Variants in SLC7A8 observed in about 807,000 individuals in gnomAD.
The protein encoded by SLC7A8 is solute carrier family 7 member 8, also known as large neutral amino acids transporter small subunit 2.
SLC7A8 carries 30 observed loss-of-function variants against 51.2 expected under a neutral mutation model. The observed-to-expected ratio is 0.59, with a 90% confidence interval of 0.44 to 0.80. SLC7A8 has a LOEUF of 0.80. Ranked by LOEUF, SLC7A8 falls within the 30% of genes least tolerant of loss-of-function variation. The pLI is 0.00. For missense variants in SLC7A8, 612 were observed against 674.4 expected (o/e 0.91, Z 1.03); for synonymous variants, 257 against 275.8 (o/e 0.93, Z 0.67).
At chr14:23,166,313 C>A in intron 2 of SLC7A8, 23 bp downstream of exon 2, 1 of 1,607,418 alleles carries the variant, frequency 6.2e-7, no homozygotes, top group East Asian at 2.2e-5. Flanking sequence ...CTAGACCATT[C>A]AGGTCTCCAC....
chr14:23,157,019 G>A (rs1487842046), intron 3 of SLC7A8, among the ~76,000 whole-genome samples: 2 of 152,214 alleles, frequency 1.3e-5, no homozygotes, highest in Non-Finnish European at 2.9e-5. Flanking sequence ...AGACATAAGA[G>A]TCCAAAAGCA....
intron 2 of SLC7A8, among the ~76,000 whole-genome samples, chr14:23,166,041 G>C (rs73600404): frequency 0.069 from 10,545 of 152,110 alleles, 933 homozygotes; most frequent in African/African-American, 0.2. Flanking sequence ...GGGAATCTAT[G>C]GTCAGTGTTG....
intron 1 of SLC7A8, among the ~76,000 whole-genome samples, chr14:23,181,445 G>T (rs1341958938): frequency 1.4e-5 from 2 of 144,520 alleles, no homozygotes; most frequent in East Asian, 2.0e-4. Flanking sequence ...GGAGGAGTTG[G>T]TGGGGGTGGG....
chr14:23,127,096 C>T lies in SLC7A8; in HGVS notation c.*81G>A, dbSNP rs1222707190. 4 of 1,530,164 alleles carry T rather than the reference C, an allele frequency of 2.6e-6. No homozygotes were observed. The African/African-American group carries it at 4.1e-5, about 16-fold the overall frequency. 94.8% of individuals were successfully genotyped at this position (1,530,164 alleles called of 1,614,324 possible). A position where few individuals can be genotyped will look rare whatever the true frequency, so the allele number is the denominator to read the frequency against. ...AAGCAGAGAGAGGGGTGTGTGTGTA[C>T]TCGCATGTGTTGGCAGGACCAAGGC... On this transcript the variant is annotated 3_prime_UTR_variant, in exon 11 of 11. Coordinates refer to ENST00000316902, the MANE Select transcript of SLC7A8 (RefSeq NM_012244.4).
chr14:23,148,053 GGA>G (rs908916544), intron 3 of SLC7A8, among the ~76,000 whole-genome samples: 4 of 152,120 alleles, frequency 2.6e-5, no homozygotes, highest in African/African-American at 9.7e-5. Flanking sequence ...TTGATCTCCA[GGA>G]ATTACAGAAG....
intron 1 of SLC7A8, among the ~76,000 whole-genome samples, chr14:23,173,721 A>C (rs533188083): frequency 1.3e-5 from 2 of 152,134 alleles, no homozygotes; most frequent in Admixed American, 6.5e-5. Flanking sequence ...AGCTCACTGC[A>C]ACCTCTGCCT....
intron 3 of SLC7A8, among the ~76,000 whole-genome samples, chr14:23,158,176 GTGTT>G (rs1488488754): frequency 6.6e-6 from 1 of 152,208 alleles, no homozygotes; most frequent in East Asian, 1.9e-4. Context: ...GCACTGATAA[GTGTT>G]TGTTGAGTGA....
In SLC7A8 at chr14:23,128,222, T is replaced by C. The variant is rs753790531; in HGVS notation, c.1264-26A>G. On this transcript the variant is annotated intron_variant, in intron 9 of 10. Transcript: ENST00000316902. This position sits in a 1 kb window ranked among gnomAD's most constrained non-coding sequence, Gnocchi z 4.3. ...CTGTGGAGCAGAGGCATGAGGCGTA[T>C]GAACTGTGTAGGCCACGTGGCCCCC... is the stretch of plus-strand genomic sequence containing the variant. 1 of 1,613,256 alleles carries C rather than the reference T, an allele frequency of 6.2e-7. No individual in the cohort carries two copies. The highest frequency in any genetic ancestry group is 8.5e-7 in the Non-Finnish European group (1 of 1,179,646).
chr14:23,171,536 G>C (rs548504849), intron 1 of SLC7A8, among the ~76,000 whole-genome samples: 1 of 152,316 alleles, frequency 6.6e-6, no homozygotes. Context: ...GAATTACAGA[G>C]TTCTGATGCC....
chr14:23,163,191 G>A (rs2048932891), intron 3 of SLC7A8, among the ~76,000 whole-genome samples: 1 of 152,176 alleles, frequency 6.6e-6, no homozygotes, highest in Admixed American at 6.5e-5. Context: ...GGTGCTGGGT[G>A]TCTAACACTG....
intron 1 of SLC7A8, among the ~76,000 whole-genome samples, chr14:23,173,674 G>T (rs2048985919): frequency 6.6e-6 from 1 of 151,844 alleles, no homozygotes; most frequent in African/African-American, 2.4e-5. Flanking sequence ...TTGAGACAAG[G>T]TCTCACTCTG....
chr14:23,154,762 G>A (rs1411222904), intron 3 of SLC7A8, among the ~76,000 whole-genome samples: 1 of 152,070 alleles, frequency 6.6e-6, no homozygotes, highest in African/African-American at 2.4e-5. Flanking sequence ...GTGTGGGGGA[G>A]TGGGCAGACA....
chr14:23,176,721 C>G (rs1221834037), intron 1 of SLC7A8, among the ~76,000 whole-genome samples: 1 of 152,070 alleles, frequency 6.6e-6, no homozygotes, highest in African/African-American at 2.4e-5. Context: ...GCGGGCAGAT[C>G]ACTTGAGGTC....
chr14:23,181,029 C>CA (rs202013524), intron 1 of SLC7A8, among the ~76,000 whole-genome samples: 26 of 148,290 alleles, frequency 1.8e-4, no homozygotes, highest in African/African-American at 3.9e-4. Context: ...TCCGTCTGAA[C>CA]AAAAAAAAAG....
At chr14:23,132,969 G>A (rs2048653652) in intron 7 of SLC7A8, among the ~76,000 whole-genome samples, 1 of 151,528 alleles carries the variant, frequency 6.6e-6, no homozygotes, top group Admixed American at 6.6e-5. Flanking sequence ...AATTGAGGCA[G>A]GGTCTTGCCA....
chr14:23,181,644 A>G (rs1877188629), intron 1 of SLC7A8, among the ~76,000 whole-genome samples: 1 of 152,264 alleles, frequency 6.6e-6, no homozygotes, highest in Non-Finnish European at 1.5e-5. Context: ...TCAGCCAGAG[A>G]AACTGGTTCA....
chr14:23,154,824 C>G (rs565350284), intron 3 of SLC7A8, among the ~76,000 whole-genome samples: 4 of 152,120 alleles, frequency 2.6e-5, no homozygotes, highest in African/African-American at 7.2e-5. Context: ...TCCCCGCCCA[C>G]CCCCACCTCA....
rs934220793 is a variant in SLC7A8, at chr14:23,167,667, T to C, written c.152-1127A>G. On this transcript the variant is annotated intron_variant, in intron 1 of 10. Coordinates refer to ENST00000316902, the MANE Select transcript of SLC7A8 (RefSeq NM_012244.4). ...TGGTAAAAGAGGTCATCGGGGTCCA[T>C]TGAGTGGGTGCTTTGAAAGTGCTGC... Among the ~76,000 whole-genome samples the C allele has an allele frequency of 2.6e-5, 4 of 152,164 alleles. No homozygotes were observed. The South Asian group carries it at 6.2e-4, about 24-fold the overall frequency.
chr14:23,156,670 G>T (rs976109715), intron 3 of SLC7A8, among the ~76,000 whole-genome samples: 1 of 152,228 alleles, frequency 6.6e-6, no homozygotes, highest in Non-Finnish European at 1.5e-5. Context: ...GAGAATTTAA[G>T]TTTCTAGGCT....
Sources: gnomAD v4.1 joint callset for allele counts (sites outside exome capture counted in the v4.1 genomes callset) on GRCh38, gnomAD v4.1.1 for gene constraint, Gnocchi (gnomAD v3.1) non-coding constraint, MANE v1.5 for transcripts, NCBI Gene and HGNC (gene_info 2026-07-23, HGNC 2026-07-21) for gene names.